Variants in POLR1B observed in about 807,000 individuals in gnomAD.
The protein encoded by POLR1B is DNA-directed RNA polymerase I subunit RPA2.
A neutral mutation model predicts 105.8 loss-of-function variants in POLR1B; 30 were observed. The observed-to-expected ratio is 0.28, with a 90% CI of 0.21 to 0.38. The LOEUF is 0.38. POLR1B is among the 10% of genes least tolerant of loss of function. The pLI, the probability that POLR1B is intolerant of heterozygous loss-of-function variation, is 1.00. For synonymous variants in POLR1B, 485 were observed against 505.1 expected (o/e 0.96, Z 0.53); for missense variants, 976 against 1,435.8 (o/e 0.68, Z 5.17).
intron 1 of POLR1B, among the ~76,000 whole-genome samples, chr2:112,543,798 A>G (rs1010419462): frequency 3.9e-5 from 6 of 152,238 alleles, no homozygotes; most frequent in Admixed American, 3.3e-4. Context: ...ATTAAAAGTT[A>G]ATCGGGCTGG....
intron 13 of POLR1B, 102 bp from the exon 14 acceptor site, chr2:112,573,460 T>C (rs1684693111): frequency 7.2e-7 from 1 of 1,397,116 alleles, no homozygotes; most frequent in African/African-American, 1.4e-5. Context: ...AAAGTTAAAA[T>C]GTGATGCCAG....
chr2:112,553,525 G>C (rs1202363809), intron 7 of POLR1B: 1 of 152,054 alleles, frequency 6.6e-6, no homozygotes, highest in African/African-American at 2.4e-5. Flanking sequence ...TGTTGTACAG[G>C]CTGGTCTCAA....
Position 112,575,399 on chromosome 2 carries a change from T to A in POLR1B, c.3078T>A (p.Ile1026=). 6.2e-7 allele frequency: 1 copy of A among 1,614,150 alleles called. No individual in the cohort carries two copies. Among genetic ancestry groups the A allele is most frequent in the Middle Eastern group, 1.6e-4 (1 of 6,062 alleles). Residue 1026 remains isoleucine, a synonymous_variant, in exon 15 of 15, where the codon ATT becomes ATA. Coordinates refer to ENST00000263331, the MANE Select transcript of POLR1B (RefSeq NM_019014.6). The surrounding 1 kb of genome is among the most constrained non-coding windows in gnomAD (Gnocchi z 5.3). ...GAGACAGAGTCACCAACCAGCCTAT[T>A]GGGGGAAGAAATGTCCAGGGTGGAA... The part of the protein sequence containing the change: ...GARDRVTNQP[I]GGRNVQGGIR...
chr2:112,543,745 G>A (rs1682887999), intron 1 of POLR1B, among the ~76,000 whole-genome samples: 1 of 152,122 alleles, frequency 6.6e-6, no homozygotes, highest in East Asian at 1.9e-4. Flanking sequence ...TTTGTATTGT[G>A]CCTGGATTGT....
chr2:112,576,922 TG>T lies in POLR1B; in HGVS notation c.*1194del, dbSNP rs1350191305. 6.6e-6 allele frequency: 1 copy of T among 152,262 alleles called. No individual in the cohort carries two copies. Among genetic ancestry groups the T allele is most frequent in the Non-Finnish European group, 1.5e-5 (1 of 68,052 alleles). The allele number at this position is 152,262 out of a possible 1,614,324, so 9.4% of individuals were successfully genotyped here. A position where few individuals can be genotyped will look rare whatever the true frequency, so the allele number is the denominator to read the frequency against. Reference sequence around the variant, plus strand: ...ACTTGGCTTTTTTCTGCTTTTATATTGATCTGCTTTCATAGCAGTGTGTAGA... The same window carrying T: ...ACTTGGCTTTTTTCTGCTTTTATATTATCTGCTTTCATAGCAGTGTGTAGA... On this transcript the variant is annotated 3_prime_UTR_variant, in exon 15 of 15. Coordinates refer to ENST00000263331, the MANE Select transcript of POLR1B (RefSeq NM_019014.6).
At chr2:112,574,335 GT>G (rs1684752213) in intron 14 of POLR1B, among the ~76,000 whole-genome samples, 1 of 152,080 alleles carries the variant, frequency 6.6e-6, no homozygotes, top group East Asian at 1.9e-4. Context: ...TTTGTTGCTA[GT>G]TTTCTTTCAG....
rs1683398601 is a variant in POLR1B, at chr2:112,552,016, A to G, written c.986+18A>G. The stretch of plus-strand genomic sequence containing the variant: ...CTGTTTAAGTATGTGTGCTTTGTCT[A>G]AACTGTTTTTGGAGGGGCGGAGGGC... On this transcript the variant is annotated intron_variant, in intron 6 of 14. Transcript: ENST00000263331. 8.1e-6 allele frequency: 13 copies of G among 1,605,192 alleles called. No individual in the cohort carries two copies. In the East Asian group the frequency reaches 2.7e-4, roughly 33 times the overall value.
At chr2:112,553,634 G>A (rs1430398872) in intron 7 of POLR1B, 2 of 151,784 alleles carry the variant, frequency 1.3e-5, no homozygotes, top group African/African-American at 4.8e-5. Context: ...GTTTATAATG[G>A]TCCCCAAGCA....
At chr2:112,574,116 A>G (rs1684740320) in intron 14 of POLR1B, among the ~76,000 whole-genome samples, 1 of 152,118 alleles carries the variant, frequency 6.6e-6, no homozygotes, top group Non-Finnish European at 1.5e-5. Context: ...AAGTGCTAGG[A>G]TTACAGGCCT....
Position 112,552,076 on chromosome 2 carries a change from C to A in POLR1B, c.986+78C>A, listed in dbSNP as rs13015822. On this transcript the variant is annotated intron_variant, in intron 6 of 14. Coordinates refer to ENST00000263331, the MANE Select transcript of POLR1B (RefSeq NM_019014.6). ...TTCTTTGTATTGGTTGCAGTTTGGG[C>A]GGGCGAGTCATTTGGGAATGAGAAT... 149,986 of 1,169,784 alleles carry A rather than the reference C, an allele frequency of 0.13. 10,558 individuals are homozygous for A. The highest frequency in any genetic ancestry group is 0.18 in the South Asian group (12,715 of 70,136). 72.5% of individuals were successfully genotyped at this position (1,169,784 alleles called of 1,614,324 possible). A position where few individuals can be genotyped will look rare whatever the true frequency, so the allele number is the denominator to read the frequency against.
At position 112,579,208 on chromosome 2, in the gene POLR1B, C is replaced by CAAAAAAAA. The variant is rs56190123; in HGVS notation, c.*3504_*3511dup. Among the ~76,000 whole-genome samples the CAAAAAAAA allele has an allele frequency of 3.9e-4, 23 of 58,688 alleles. No individual in the cohort carries two copies. Among genetic ancestry groups the CAAAAAAAA allele is most frequent in the African/African-American group, 5.0e-4 (7 of 14,096 alleles). 38.5% of individuals were successfully genotyped at this position (58,688 alleles called of 152,430 possible). ...GGGCAACAGAGCAAGACTAGAGTCTCAAAAAAAAAAAAAAAAAAAAAAAAA... is the reference window on the plus strand; with the variant it reads ...GGGCAACAGAGCAAGACTAGAGTCTCAAAAAAAAAAAAAAAAAAAAAAAAAAAAAAAAA... On this transcript the variant is annotated 3_prime_UTR_variant, in exon 15 of 15. Transcript: ENST00000263331.
intron 10 of POLR1B, among the ~76,000 whole-genome samples, chr2:112,566,664 AGTCATC>A (rs1684289621): frequency 4.6e-5 from 7 of 151,974 alleles, no homozygotes; most frequent in African/African-American, 1.7e-4. Context: ...CATGTTGTGG[AGTCATC>A]ACCATCTTCA....
chr2:112,549,188 C>G lies in POLR1B; in HGVS notation c.493-79C>G, dbSNP rs1406197611. Reference sequence around the variant, plus strand: ...GTTCCTATTCTGTGTGTTGTACTACCTTTGGCTAGGAGTGAGGTTCATGTT... The same window carrying G: ...GTTCCTATTCTGTGTGTTGTACTACGTTTGGCTAGGAGTGAGGTTCATGTT... On this transcript the variant is annotated intron_variant, in intron 3 of 14. Transcript: ENST00000263331. 2.0e-6 allele frequency: 3 copies of G among 1,504,240 alleles called. No homozygotes were observed. In the East Asian group the frequency reaches 6.8e-5, roughly 34 times the overall value. 93.2% of individuals were successfully genotyped at this position (1,504,240 alleles called of 1,614,324 possible). A position where few individuals can be genotyped will look rare whatever the true frequency, so the allele number is the denominator to read the frequency against.
At chr2:112,545,767 G>A (rs963099779) in intron 1 of POLR1B, 2 of 309,374 alleles carry the variant, frequency 6.5e-6, no homozygotes, top group African/African-American at 2.3e-5. Flanking sequence ...AACCTCTTGA[G>A]TAGCTGGGAC....
rs751569350 is a variant in POLR1B, at chr2:112,547,066, C to A, written c.232C>A (p.Leu78Met). The A allele has an allele frequency of 2.5e-6, 4 of 1,614,148 alleles. No individual in the cohort carries two copies. The South Asian group carries it at 4.4e-5, about 18-fold the overall frequency. ...AGATGAGCGTATCTCTTTTACTATT[C>A]TGGATGCTGTTATCAGTCCACCTAC... Reference protein sequence around the residue: ...FKDERISFTILDAVISPPTVP... With the variant: ...FKDERISFTIMDAVISPPTVP... The change falls in exon 2 of 15, where the codon CTG (leucine) becomes ATG (methionine). Residue 78 changes from leucine (L) to methionine (M), a missense_variant. By Grantham distance (15) the Leu-to-Met change is conservative. Around this residue, in one of 12 missense-constraint regions of POLR1B, gnomAD observed 452 missense variants for 616.5 expected, o/e 0.73. Transcript: ENST00000263331.
At chr2:112,555,000 G>A (rs1318840920) in intron 7 of POLR1B, among the ~76,000 whole-genome samples, 2 of 152,180 alleles carry the variant, frequency 1.3e-5, no homozygotes, top group African/African-American at 4.8e-5. Flanking sequence ...GGGCAACATT[G>A]CAAAACCCTG....
At chr2:112,560,842 C>A (rs746589852) in intron 9 of POLR1B, among the ~76,000 whole-genome samples, 1 of 152,028 alleles carries the variant, frequency 6.6e-6, no homozygotes, top group Admixed American at 6.6e-5. Context: ...AGATGACTTG[C>A]GGTCAGGAGT....
intron 10 of POLR1B, among the ~76,000 whole-genome samples, chr2:112,565,404 A>G (rs988757556): frequency 3.3e-5 from 5 of 152,114 alleles, no homozygotes; most frequent in Admixed American, 6.5e-5. Context: ...CTCATTTTCC[A>G]TAAAGATTTT....
intron 7 of POLR1B, among the ~76,000 whole-genome samples, chr2:112,555,137 C>T (rs1380319411): frequency 2.6e-5 from 4 of 152,006 alleles, no homozygotes; most frequent in East Asian, 1.9e-4. Flanking sequence ...GTTGAGATCA[C>T]GCCACTGCAC....
Sources: allele counts gnomAD v4.1 joint callset (sites outside exome capture counted in the v4.1 genomes callset), GRCh38; gene constraint gnomAD v4.1.1; regional missense constraint gnomAD v4.1.1; non-coding constraint Gnocchi (gnomAD v3.1); transcripts MANE v1.5; gene names NCBI Gene and HGNC (gene_info 2026-07-23, HGNC 2026-07-21).